Variants in LUZP1 observed in about 807,000 individuals in gnomAD.
The protein encoded by LUZP1 is leucine zipper protein 1.
LUZP1 carries 25 observed loss-of-function variants against 71.3 expected under a neutral mutation model. The ratio of observed to expected loss-of-function variants is 0.35; its 90% CI spans 0.26 to 0.49. LUZP1 has a LOEUF of 0.49. Among genes scored for constraint, LUZP1 ranks in the 20% least tolerant of loss-of-function variants. The probability of loss-of-function intolerance (pLI) is 0.99; values close to 1 mark genes in which losing one functional copy is unlikely to be tolerated. For missense variants in LUZP1, 1,142 were observed against 1,300.8 expected (o/e 0.88, Z 1.88); for synonymous variants, 481 against 506.4 (o/e 0.95, Z 0.67).
intron 2 of LUZP1, among the ~76,000 whole-genome samples, chr1:23,138,662 T>TA (rs759401925): frequency 9.4e-6 from 1 of 106,870 alleles, no homozygotes; most frequent in African/African-American, 3.9e-5. Flanking sequence ...GGATTATGTG[T>TA]TTGTGTGTGT....
chr1:23,084,107 G>GTGGTGT (rs973569676), exon 5 of LUZP1: 51 of 152,252 alleles, frequency 3.3e-4, no homozygotes, highest in African/African-American at 1.2e-3. Flanking sequence ...ACTAAAGGTG[G>GTGGTGT]TGGTGTACAT....
In LUZP1 at chr1:23,094,660, ACAT is replaced by A. The variant is rs1304014489; in HGVS notation, c.-119-283_-119-281del. 6.6e-6 allele frequency among the ~76,000 whole-genome samples: 1 copy of A among 152,188 alleles called. No individual in the cohort carries two copies. On this transcript the variant is annotated intron_variant, in intron 3 of 4. Transcript: ENST00000302291. The surrounding 1 kb of genome is among the most constrained non-coding windows in gnomAD (Gnocchi z 4.7). ...TCAATTTTCATGGCAGGGTATAATA[ACAT>A]CATTACCATCTGCAACCTGCATAAT...
At chr1:23,170,454 T>TTTTC (rs1257075209) in intron 1 of LUZP1, among the ~76,000 whole-genome samples, 5 of 147,450 alleles carry the variant, frequency 3.4e-5, no homozygotes, top group Admixed American at 1.4e-4. Flanking sequence ...CTTATTTTCT[T>TTTTC]TTTCTTTCTT....
At chr1:23,132,693 T>C in intron 2 of LUZP1, among the ~76,000 whole-genome samples, 1 of 152,134 alleles carries the variant, frequency 6.6e-6, no homozygotes, top group East Asian at 1.9e-4. Context: ...AAAAATTTGT[T>C]GTGATATATA....
At chr1:23,118,020 G>T (rs1410859744) in intron 2 of LUZP1, among the ~76,000 whole-genome samples, 1 of 152,042 alleles carries the variant, frequency 6.6e-6, no homozygotes, top group African/African-American at 2.4e-5. Flanking sequence ...AACCCGGGAG[G>T]TGGAGGCTGC....
intron 3 of LUZP1, among the ~76,000 whole-genome samples, chr1:23,103,861 A>C: frequency 2.2e-4 from 1 of 4,636 alleles, no homozygotes; most frequent in Admixed American, 1.4e-3. Context: ...GGAGGGAGGG[A>C]GGGAGGGAGG....
intron 2 of LUZP1, among the ~76,000 whole-genome samples, chr1:23,122,960 A>C (rs562619339): frequency 6.6e-6 from 1 of 152,368 alleles, no homozygotes; most frequent in Non-Finnish European, 1.5e-5. Flanking sequence ...GCTGAGCTTC[A>C]GCAAAGAATA....
At chr1:23,162,078 A>T (rs1644471621) in intron 2 of LUZP1, among the ~76,000 whole-genome samples, 1 of 151,920 alleles carries the variant, frequency 6.6e-6, no homozygotes, top group South Asian at 2.1e-4. Context: ...TTCCAAATCT[A>T]AAAACCACTA....
At chr1:23,170,686 C>T (rs373710814) in intron 1 of LUZP1, among the ~76,000 whole-genome samples, 1 of 151,906 alleles carries the variant, frequency 6.6e-6, no homozygotes, top group Non-Finnish European at 1.5e-5. Context: ...ACGCTGGTCT[C>T]GAACTCCTGA....
chr1:23,109,650 C>T (rs750844881), intron 2 of LUZP1: 9 of 152,130 alleles, frequency 5.9e-5, no homozygotes, highest in Non-Finnish European at 1.2e-4. Flanking sequence ...TTCAATGTCC[C>T]CTGGGGAAAA....
Sources: gnomAD v4.1 joint callset for allele counts (sites outside exome capture counted in the v4.1 genomes callset) on GRCh38, gnomAD v4.1.1 for gene constraint, Gnocchi (gnomAD v3.1) non-coding constraint, MANE v1.5 for transcripts, NCBI Gene and HGNC (gene_info 2026-07-23, HGNC 2026-07-21) for gene names.